Variants in GTF2IRD1 observed in about 807,000 individuals in gnomAD.
The protein encoded by GTF2IRD1 is general transcription factor II-I repeat domain-containing protein 1.
In GTF2IRD1, 26 loss-of-function variants were observed where a neutral mutation model predicts 113.2. The observed-to-expected ratio is 0.23, with a 90% confidence interval of 0.17 to 0.32. GTF2IRD1 has a LOEUF of 0.32. Among genes scored for constraint, GTF2IRD1 ranks in the 10% least tolerant of loss-of-function variants. The pLI, the probability that GTF2IRD1 is intolerant of heterozygous loss-of-function variation, is 1.00. For synonymous variants in GTF2IRD1, 484 were observed against 529.1 expected, an observed-to-expected ratio of 0.91 and a Z score of 1.17; for missense variants, 864 against 1,280.8, an observed-to-expected ratio of 0.67 and a Z score of 4.97.
At chr7:74,550,499 G>A (rs879980911) in intron 17 of GTF2IRD1, among the ~76,000 whole-genome samples, 6 of 151,940 alleles carry the variant, frequency 3.9e-5, no homozygotes, top group Admixed American at 6.6e-5. Context: ...GAGGTGGGAG[G>A]ATCGCTTGAG....
At chr7:74,523,337 G>T (rs1797399803) in intron 7 of GTF2IRD1, among the ~76,000 whole-genome samples, 1 of 152,228 alleles carries the variant, frequency 6.6e-6, no homozygotes, top group Non-Finnish European at 1.5e-5. Context: ...GCTACAGTGA[G>T]CTATGATTGC....
intron 14 of GTF2IRD1, among the ~76,000 whole-genome samples, chr7:74,542,050 G>A (rs1554351874): frequency 2.0e-5 from 3 of 151,812 alleles, no homozygotes; most frequent in African/African-American, 7.3e-5. Context: ...GGGCTATGAT[G>A]GTGCCACTGC....
At chr7:74,516,609 A>G (rs1554344657) in intron 4 of GTF2IRD1, among the ~76,000 whole-genome samples, 1 of 152,022 alleles carries the variant, frequency 6.6e-6, no homozygotes, top group East Asian at 1.9e-4. Flanking sequence ...CTTTGGTTTT[A>G]TGGAGCAAAG....
rs148146982 is a variant in GTF2IRD1 at position 74,570,775 on chromosome 7, A to T, written c.2320+11120A>T. Among the ~76,000 whole-genome samples, 472 of 152,308 alleles carry T rather than the reference A, an allele frequency of 3.1e-3. 4 individuals are homozygous for T. The highest frequency in any genetic ancestry group is 0.01 in the African/African-American group (435 of 41,568). The stretch of plus-strand genomic sequence containing the variant: ...AGCAGAGGTTGAGCTGCCACTCACT[A>T]GAGAGGCCGCTTCCTATAGGGCTTG... On this transcript the variant is annotated intron_variant, in intron 22 of 26. Transcript: ENST00000424337.
intron 1 of GTF2IRD1, among the ~76,000 whole-genome samples, chr7:74,465,286 A>G (rs1197424598): frequency 6.6e-6 from 1 of 152,118 alleles, no homozygotes; most frequent in African/African-American, 2.4e-5. Context: ...GCCCCGGGCC[A>G]CCAGCTCCCT....
At chr7:74,552,473 G>A (rs1489939924) in intron 17 of GTF2IRD1, among the ~76,000 whole-genome samples, 1 of 152,044 alleles carries the variant, frequency 6.6e-6, no homozygotes, top group Non-Finnish European at 1.5e-5. Flanking sequence ...CTGAGATCGC[G>A]CCCCTGCACT....
intron 22 of GTF2IRD1, among the ~76,000 whole-genome samples, chr7:74,562,743 A>G (rs1800056054): frequency 6.6e-6 from 1 of 151,208 alleles, no homozygotes; most frequent in East Asian, 1.9e-4. Flanking sequence ...AAATTTTTGT[A>G]TTTGTAGGCA....
intron 1 of GTF2IRD1, among the ~76,000 whole-genome samples, chr7:74,469,951 A>C (rs1793981611): frequency 6.6e-6 from 1 of 152,006 alleles, no homozygotes; most frequent in Non-Finnish European, 1.5e-5. Context: ...AAATTATCAT[A>C]TTCTTTATTA....
At chr7:74,467,121 G>A (rs782491801) in intron 1 of GTF2IRD1, among the ~76,000 whole-genome samples, 3 of 151,998 alleles carry the variant, frequency 2.0e-5, no homozygotes, top group African/African-American at 4.8e-5. Context: ...GCTAGTTTTT[G>A]TATTTTTAGT....
intron 22 of GTF2IRD1, among the ~76,000 whole-genome samples, chr7:74,575,444 T>C (rs1800985511): frequency 6.6e-6 from 1 of 152,292 alleles, no homozygotes; most frequent in Non-Finnish European, 1.5e-5. Context: ...TTAGAGTCGG[T>C]GCAGTTCTGA....
intron 1 of GTF2IRD1, among the ~76,000 whole-genome samples, chr7:74,465,979 C>T (rs1253576050): frequency 6.6e-6 from 1 of 152,180 alleles, no homozygotes; most frequent in African/African-American, 2.4e-5. Flanking sequence ...CCATGTTGCC[C>T]AGGCTGGTCT....
intron 1 of GTF2IRD1, among the ~76,000 whole-genome samples, chr7:74,492,328 G>A (rs562633007): frequency 1.7e-4 from 26 of 152,100 alleles, no homozygotes; most frequent in Middle Eastern, 3.4e-3. Context: ...CTGCCACCAC[G>A]CCTGGCTAAT....
chr7:74,528,799 G>T, intron 8 of GTF2IRD1, among the ~76,000 whole-genome samples: 1 of 111,736 alleles, frequency 8.9e-6, no homozygotes, highest in African/African-American at 3.3e-5. Flanking sequence ...GGGTGGGTGG[G>T]TGGGTGGATG....
chr7:74,546,298 T>C (rs1393901519), intron 16 of GTF2IRD1, among the ~76,000 whole-genome samples: 2 of 148,440 alleles, frequency 1.3e-5, no homozygotes, highest in South Asian at 2.2e-4. Flanking sequence ...ATCAGCTCAC[T>C]GCAACCTGCG....
intron 4 of GTF2IRD1, among the ~76,000 whole-genome samples, chr7:74,517,426 CCTTT>C (rs1797006631): frequency 3.1e-5 from 3 of 98,216 alleles, no homozygotes; most frequent in South Asian, 2.9e-4. Flanking sequence ...CCTCCCTACA[CCTTT>C]TTTTTTTTTT....
At chr7:74,588,989 G>A (rs1554368650) in intron 22 of GTF2IRD1, among the ~76,000 whole-genome samples, 1 of 152,122 alleles carries the variant, frequency 6.6e-6, no homozygotes, top group Admixed American at 6.6e-5. Flanking sequence ...GCCCCTCAGG[G>A]AAGCAGCCCT....
At chr7:74,579,905 G>T (rs587684070) in intron 22 of GTF2IRD1, among the ~76,000 whole-genome samples, 2 of 152,278 alleles carry the variant, frequency 1.3e-5, no homozygotes, top group African/African-American at 4.8e-5. Flanking sequence ...GGAAAAGGGG[G>T]ATCAAAATGG....
intron 26 of GTF2IRD1, 168 bp downstream of exon 26, chr7:74,601,348 C>G: frequency 2.0e-6 from 3 of 1,531,020 alleles, no homozygotes; most frequent in Admixed American, 3.9e-5. Context: ...CTGTCTCACC[C>G]AAGAGGTAGC....
At chr7:74,482,097 G>A (rs538323244) in intron 1 of GTF2IRD1, among the ~76,000 whole-genome samples, 3 of 152,172 alleles carry the variant, frequency 2.0e-5, no homozygotes, top group Non-Finnish European at 4.4e-5. Flanking sequence ...GTGGAGCCCT[G>A]CCTCTAGGCG....
Sources: gnomAD v4.1 joint callset for allele counts (sites outside exome capture counted in the v4.1 genomes callset) on GRCh38, gnomAD v4.1.1 for gene constraint, MANE v1.5 for transcripts, NCBI Gene and HGNC (gene_info 2026-07-23, HGNC 2026-07-21) for gene names.